The following LOC128462377 variants were observed in gnomAD, a reference collection of about 807,000 sequenced individuals.
At chr16:89,416,839 T>C in the LOC128462377 span, among the ~76,000 whole-genome samples, 1 of 151,796 alleles carries the variant, frequency 6.6e-6, no homozygotes, top group Non-Finnish European at 1.5e-5. Context: ...AGGTCAGCAG[T>C]ATCCTTTTCA....
chr16:89,353,086 T>C, the LOC128462377 span, among the ~76,000 whole-genome samples: 30 of 152,136 alleles, frequency 2.0e-4, no homozygotes, highest in Admixed American at 1.9e-3. Flanking sequence ...ACGCCTGTAA[T>C]TAATCCCAGC....
chr16:89,346,283 C>T, the LOC128462377 span, among the ~76,000 whole-genome samples: 2 of 145,126 alleles, frequency 1.4e-5, no homozygotes, highest in South Asian at 2.1e-4. Flanking sequence ...ATCAACACAA[C>T]AGAGAAAATG....
At chr16:89,393,912 G>A in the LOC128462377 span, among the ~76,000 whole-genome samples, 1 of 152,190 alleles carries the variant, frequency 6.6e-6, no homozygotes, top group East Asian at 1.9e-4. Context: ...AAAAAGTCAC[G>A]AAGAAAGTGC....
chr16:89,389,477 T>C, the LOC128462377 span, among the ~76,000 whole-genome samples: 420 of 152,100 alleles, frequency 2.8e-3, 2 homozygotes, highest in African/African-American at 9.5e-3. Flanking sequence ...AATTAGTAGA[T>C]GGAGACATGA....
At chr16:89,370,479 G>C in the LOC128462377 span, among the ~76,000 whole-genome samples, 2 of 152,130 alleles carry the variant, frequency 1.3e-5, no homozygotes, top group Non-Finnish European at 2.9e-5. Context: ...TGACACCCAG[G>C]GCCTTGAGGC....
At chr16:89,358,542 C>T in the LOC128462377 span, among the ~76,000 whole-genome samples, 12 of 152,256 alleles carry the variant, frequency 7.9e-5, no homozygotes, top group African/African-American at 2.6e-4. Flanking sequence ...CATTGCATGC[C>T]TATATCAAAA....
At chr16:89,353,214 C>G in the LOC128462377 span, among the ~76,000 whole-genome samples, 18 of 151,886 alleles carry the variant, frequency 1.2e-4, no homozygotes, top group African/African-American at 4.3e-4. Context: ...TGGTGGCAGA[C>G]GCCTATAATC....
chr16:89,384,879 C>CT, the LOC128462377 span, among the ~76,000 whole-genome samples: 1,035 of 49,934 alleles, frequency 0.021, 179 homozygotes, highest in Non-Finnish European at 0.022. Flanking sequence ...AAATAGTTTT[C>CT]TTTTTTTTTT....
the LOC128462377 span, among the ~76,000 whole-genome samples, chr16:89,371,233 C>T: frequency 6.6e-6 from 1 of 152,204 alleles, no homozygotes; most frequent in Non-Finnish European, 1.5e-5. Context: ...CGCAAATACT[C>T]ACTGAAGAAA....
At chr16:89,343,042 C>T in the LOC128462377 span, among the ~76,000 whole-genome samples, 4 of 152,300 alleles carry the variant, frequency 2.6e-5, no homozygotes, top group South Asian at 2.1e-4. Context: ...TTATTTGAGA[C>T]GCAGTCTTGC....
the LOC128462377 span, among the ~76,000 whole-genome samples, chr16:89,349,536 G>T: frequency 6.6e-6 from 1 of 152,176 alleles, no homozygotes; most frequent in African/African-American, 2.4e-5. Context: ...CTTAACAAAT[G>T]TAAAGAAATT....
chr16:89,330,644 C>G, the LOC128462377 span, among the ~76,000 whole-genome samples: 1 of 99,364 alleles, frequency 1.0e-5, no homozygotes, highest in Admixed American at 1.5e-4. Context: ...GTAGGTTTCC[C>G]CAGTACAGTG....
the LOC128462377 span, among the ~76,000 whole-genome samples, chr16:89,359,410 G>C: frequency 2.0e-5 from 3 of 152,208 alleles, no homozygotes; most frequent in African/African-American, 7.2e-5. Context: ...CCCAGCAGAG[G>C]AGCAGGAAGA....
the LOC128462377 span, among the ~76,000 whole-genome samples, chr16:89,353,327 G>A: frequency 6.6e-6 from 1 of 151,610 alleles, no homozygotes; most frequent in Non-Finnish European, 1.5e-5. Flanking sequence ...GGGTGACAGA[G>A]TGAGACTCCA....
the LOC128462377 span, chr16:89,321,214 C>T: frequency 6.6e-6 from 1 of 152,316 alleles, no homozygotes; most frequent in Non-Finnish European, 1.5e-5. Flanking sequence ...AGTGGTTACA[C>T]TGACTACGGC....
chr16:89,414,381 C>T, the LOC128462377 span, among the ~76,000 whole-genome samples: 1 of 152,206 alleles, frequency 6.6e-6, no homozygotes, highest in African/African-American at 2.4e-5. Flanking sequence ...TCACTCACGG[C>T]CACACTCACT....
the LOC128462377 span, chr16:89,324,249 C>T: frequency 8.2e-7 from 1 of 1,217,728 alleles, no homozygotes; most frequent in Non-Finnish European, 1.0e-6. Context: ...CATGCTTGGT[C>T]ACTGGGCTGT....
the LOC128462377 span, among the ~76,000 whole-genome samples, chr16:89,349,885 CACACACACACACACACACACACACACAT>C: frequency 5.6e-5 from 7 of 125,114 alleles, no homozygotes; most frequent in Non-Finnish European, 1.0e-4. Context: ...CACACACACA[CACACACACACACACACACACACACACAT>C]ATTCAAACAA....
At chr16:89,346,382 C>T in the LOC128462377 span, among the ~76,000 whole-genome samples, 5 of 152,146 alleles carry the variant, frequency 3.3e-5, no homozygotes, top group Non-Finnish European at 7.4e-5. Context: ...GACAGAAGAT[C>T]TGAAAGCAAG....
Sources: allele counts gnomAD v4.1 joint callset (sites outside exome capture counted in the v4.1 genomes callset), GRCh38; gene constraint gnomAD v4.1.1; transcripts MANE v1.5.